MIDEAS: variants seen among roughly 807,000 people sequenced by gnomAD.
MIDEAS encodes mitotic deacetylase-associated SANT domain protein.
Under a neutral mutation model 102.7 loss-of-function variants are expected in MIDEAS, and 26 were observed. The ratio of observed to expected loss-of-function variants is 0.25; its 90% CI spans 0.19 to 0.35. MIDEAS has a LOEUF of 0.35. Ranked by LOEUF, MIDEAS falls within the 10% of genes least tolerant of loss-of-function variation. MIDEAS has a pLI of 1.00. For synonymous variants in MIDEAS, 585 were observed against 591.0 expected, an observed-to-expected ratio of 0.99 and a Z score of 0.15; for missense variants, 1,231 against 1,435.6, an observed-to-expected ratio of 0.86 and a Z score of 2.30.
At chr14:73,772,844 T>A (rs1252166929) in intron 1 of MIDEAS, among the ~76,000 whole-genome samples, 1 of 150,146 alleles carries the variant, frequency 6.7e-6, no homozygotes, top group East Asian at 1.9e-4. Context: ...TATTTTGTTG[T>A]TGTTGTTGTT....
rs2053214616 is a variant in MIDEAS, at chr14:73,737,269, T to C, written c.1478A>G (p.Lys493Arg). 3 of 1,612,236 alleles carry C rather than the reference T, an allele frequency of 1.9e-6. No individual in the cohort carries two copies. The highest frequency in any genetic ancestry group is 2.5e-6 in the Non-Finnish European group (3 of 1,178,446). ...CTTGGTAGTTGAGGCCAATACACTT[T>C]TCCGCTTCTCTTCAGAACCACTGCC... ...KDGSGSEEKR[K>R]SVLASTTKCG... is the part of the protein sequence containing the mutation. Residue 493 changes from lysine (K) to arginine (R), a missense_variant, in exon 3 of 13, where the codon AAA (lysine) becomes AGA (arginine). This residue lies in a region of MIDEAS where 758 missense variants were observed against 856.0 expected (regional missense o/e 0.89). Coordinates refer to ENST00000423556, the MANE Select transcript of MIDEAS (RefSeq NM_001367710.1).
chr14:73,737,262 T>A lies in MIDEAS; in HGVS notation c.1485A>T (p.Val495=). The A allele has an allele frequency of 6.2e-7, 1 of 1,613,192 alleles. No homozygotes were observed. Among genetic ancestry groups the A allele is most frequent in the Non-Finnish European group, 8.5e-7 (1 of 1,179,222 alleles). ...GSGSEEKRKS[V]LASTTKCGVE... ...CCCCACACTTGGTAGTTGAGGCCAATACACTTTTCCGCTTCTCTTCAGAAC... is the reference window on the plus strand; with the variant it reads ...CCCCACACTTGGTAGTTGAGGCCAAAACACTTTTCCGCTTCTCTTCAGAAC... Residue 495 remains valine (V), a synonymous_variant, in exon 3 of 13, where the codon GTA becomes GTT. Coordinates refer to ENST00000423556, the MANE Select transcript of MIDEAS (RefSeq NM_001367710.1).
chr14:73,720,778 A>G lies in MIDEAS; in HGVS notation c.2937+519T>C, dbSNP rs537442008. Among the ~76,000 whole-genome samples, 4 of 152,232 alleles carry G rather than the reference A, an allele frequency of 2.6e-5. No individual in the cohort carries two copies. In the South Asian group the frequency reaches 8.3e-4, roughly 32 times the overall value. ...CTGCTTTCCCCCATCTGCAGAGTAG[A>G]GGTTAACTCTGCAGTGTGAGGAACT... On this transcript the variant is annotated intron_variant, in intron 11 of 12. Coordinates refer to ENST00000423556, the MANE Select transcript of MIDEAS (RefSeq NM_001367710.1).
chr14:73,768,432 C>G (rs1047646917), intron 1 of MIDEAS, among the ~76,000 whole-genome samples: 2 of 152,062 alleles, frequency 1.3e-5, no homozygotes, highest in East Asian at 3.8e-4. Context: ...AGACTGGAGC[C>G]TCATGGGCCA....
intron 3 of MIDEAS, among the ~76,000 whole-genome samples, chr14:73,735,820 C>T (rs1215187276): frequency 1.3e-5 from 2 of 152,190 alleles, no homozygotes; most frequent in Non-Finnish European, 2.9e-5. Context: ...ACCATCTATG[C>T]GTGTTACAAA....
chr14:73,771,936 T>C (rs2053645687), intron 1 of MIDEAS, among the ~76,000 whole-genome samples: 2 of 152,248 alleles, frequency 1.3e-5, no homozygotes, highest in South Asian at 4.1e-4. Context: ...AGCTTCCTCC[T>C]GCTGTGGCAG....
At chr14:73,777,261 A>T (rs774917006) in intron 1 of MIDEAS, among the ~76,000 whole-genome samples, 1 of 151,880 alleles carries the variant, frequency 6.6e-6, no homozygotes, top group Non-Finnish European at 1.5e-5. Context: ...ATGCCAGGTC[A>T]GCAGCATCGT....
chr14:73,772,626 A>G (rs1413976980), intron 1 of MIDEAS, among the ~76,000 whole-genome samples: 1 of 152,092 alleles, frequency 6.6e-6, no homozygotes, highest in South Asian at 2.1e-4. Flanking sequence ...GTTGCTATAA[A>G]TATCTTTGGT....
chr14:73,773,755 G>C (rs2053663436), intron 1 of MIDEAS, among the ~76,000 whole-genome samples: 1 of 151,962 alleles, frequency 6.6e-6, no homozygotes, highest in Non-Finnish European at 1.5e-5. Context: ...AGGCGCAATG[G>C]CTCACGCCTG....
intron 1 of MIDEAS, among the ~76,000 whole-genome samples, chr14:73,786,332 C>T (rs183274875): frequency 2.0e-4 from 30 of 152,316 alleles, no homozygotes; most frequent in East Asian, 9.6e-4. Context: ...TTCCTGCAGC[C>T]CTTGCAGTTT....
intron 1 of MIDEAS, among the ~76,000 whole-genome samples, chr14:73,756,818 G>T (rs933638227): frequency 3.3e-5 from 5 of 152,210 alleles, no homozygotes; most frequent in African/African-American, 1.2e-4. Context: ...GGCAGTGCCA[G>T]GAAACTGGGT....
At position 73,717,651 on chromosome 14, in the gene MIDEAS, G is replaced by A. The variant is rs2052912055; in HGVS notation, c.*1192C>T. ...GGGATAGGGGATGTCAAGATGCCTC[G>A]TTTTGGGATAAATGCACTCGGGCCT... On this transcript the variant is annotated 3_prime_UTR_variant, in exon 13 of 13. Transcript: ENST00000423556. 2 of 152,630 alleles carry A rather than the reference G, an allele frequency of 1.3e-5. No individual in the cohort carries two copies. Among genetic ancestry groups the A allele is most frequent in the African/African-American group, 4.8e-5 (2 of 41,434 alleles). 9.5% of individuals were successfully genotyped at this position (152,630 alleles called of 1,614,324 possible). A position where few individuals can be genotyped will look rare whatever the true frequency, so the allele number is the denominator to read the frequency against.
upstream of MIDEAS, among the ~76,000 whole-genome samples, chr14:73,788,070 C>T (rs534601504): frequency 2.0e-5 from 3 of 150,732 alleles, no homozygotes; most frequent in African/African-American, 7.3e-5. Context: ...AGATAAGTAG[C>T]AACCAAGTCG....
chr14:73,785,997 C>T (rs898132706), intron 1 of MIDEAS, among the ~76,000 whole-genome samples: 2 of 152,220 alleles, frequency 1.3e-5, no homozygotes, highest in East Asian at 1.9e-4. Context: ...TGCACAATAG[C>T]CTGTGTATAA....
At chr14:73,743,782 T>C (rs990536617) in intron 1 of MIDEAS, among the ~76,000 whole-genome samples, 1 of 152,058 alleles carries the variant, frequency 6.6e-6, no homozygotes, top group Non-Finnish European at 1.5e-5. Context: ...TGACAACGGA[T>C]GCAGGAACAC....
chr14:73,738,486 G>A lies in MIDEAS; in HGVS notation c.1449+74C>T. On this transcript the variant is annotated intron_variant, in intron 2 of 12. Coordinates refer to ENST00000423556, the MANE Select transcript of MIDEAS (RefSeq NM_001367710.1). ...AAGTCTGGCTTTCCCTAGGCAAGAA[G>A]CAAATCCTGCAGCCGCCCACCTATC... is the stretch of plus-strand genomic sequence containing the variant. 3 of 1,423,184 alleles carry A rather than the reference G, an allele frequency of 2.1e-6. No homozygotes were observed. The South Asian group carries it at 4.8e-5, about 23-fold the overall frequency. The allele number at this position is 1,423,184 out of a possible 1,614,324, so 88.2% of individuals were successfully genotyped here. A position where few individuals can be genotyped will look rare whatever the true frequency, so the allele number is the denominator to read the frequency against.
At chr14:73,744,313 C>T (rs1232255463) in intron 1 of MIDEAS, among the ~76,000 whole-genome samples, 2 of 152,226 alleles carry the variant, frequency 1.3e-5, no homozygotes, top group Non-Finnish European at 2.9e-5. Flanking sequence ...GGGACCAGGG[C>T]CACTCACCAG....
chr14:73,755,278 G>A (rs553800648), intron 1 of MIDEAS, among the ~76,000 whole-genome samples: 5 of 152,108 alleles, frequency 3.3e-5, no homozygotes, highest in Non-Finnish European at 1.5e-5. Flanking sequence ...CCCACCAGCC[G>A]AGAATGACAG....
rs1296075321 is a variant in MIDEAS, at chr14:73,739,171, G to C, written c.838C>G (p.Gln280Glu). The C allele has an allele frequency of 6.2e-7, 1 of 1,613,812 alleles. No homozygotes were observed. Among genetic ancestry groups the C allele is most frequent in the Non-Finnish European group, 8.5e-7 (1 of 1,179,924 alleles). Reference protein sequence around the residue: ...LFENFYSMPQQPSQQPQDFGL... With the variant: ...LFENFYSMPQEPSQQPQDFGL... ...AAGTCCTGGGGTTGCTGCGAGGGTT[G>C]CTGCGGCATGGAATAGAAGTTCTCA... Residue 280 changes from glutamine (Q) to glutamate (E), a missense_variant, in exon 2 of 13, where the codon CAA becomes GAA. This residue lies in a region of MIDEAS where 758 missense variants were observed against 856.0 expected (regional missense o/e 0.89). Coordinates refer to ENST00000423556, the MANE Select transcript of MIDEAS (RefSeq NM_001367710.1).
Sources: gnomAD v4.1 joint callset for allele counts (sites outside exome capture counted in the v4.1 genomes callset) on GRCh38, gnomAD v4.1.1 for gene constraint, gnomAD v4.1.1 regional missense constraint, MANE v1.5 for transcripts, NCBI Gene and HGNC (gene_info 2026-07-23, HGNC 2026-07-21) for gene names.